The following ARHGEF40 variants were observed in gnomAD, a reference collection of about 807,000 sequenced individuals.
The protein encoded by ARHGEF40 is Rho guanine nucleotide exchange factor 40.
In ARHGEF40, 98 loss-of-function variants were observed where a neutral mutation model predicts 165.9. That is an observed-to-expected ratio of 0.59 (90% CI 0.50 to 0.70). The LOEUF (loss-of-function observed/expected upper bound fraction) is 0.70. Among genes scored for constraint, ARHGEF40 ranks in the 30% least tolerant of loss-of-function variants. The pLI is 0.00. For missense variants in ARHGEF40, 1,815 were observed against 1,968.0 expected (o/e 0.92, Z 1.47); for synonymous variants, 792 against 814.3 (o/e 0.97, Z 0.47).
Position 21,075,525 on chromosome 14 carries a change from G to T in ARHGEF40, c.1618+26G>T, listed in dbSNP as rs371549938. 9.9e-6 allele frequency: 16 copies of T among 1,613,136 alleles called. No individual in the cohort carries two copies. The highest frequency in any genetic ancestry group is 1.3e-5 in the Non-Finnish European group (15 of 1,179,636). ...GTCAGTGGGCATCAGTGGGTGAAGG[G>T]AAACAGGACTGGGAAAGAGAAGCAA... On this transcript the variant is annotated intron_variant, in intron 4 of 23. Transcript: ENST00000298694. The surrounding 1 kb of genome is among the most constrained non-coding windows in gnomAD (Gnocchi z 4.5).
chr14:21,073,919 C>CCT lies in ARHGEF40; in HGVS notation c.202-7_202-6dup, dbSNP rs780225292. ...GCAGAGGCCTGAGTGCAGCCTCCCA[C>CCT]CTCTCTCCCCAGGCCCAATACAGTG... On this transcript the variant is annotated splice_polypyrimidine_tract_variant and intron_variant, in intron 2 of 23. Transcript: ENST00000298694. The surrounding 1 kb of genome is among the most constrained non-coding windows in gnomAD (Gnocchi z 4.6). The CCT allele has an allele frequency of 2.9e-5, 46 of 1,583,550 alleles. No homozygotes were observed. Among genetic ancestry groups the CCT allele is most frequent in the Non-Finnish European group, 3.9e-5 (46 of 1,169,296 alleles).
chr14:21,082,994 G>C, intron 16 of ARHGEF40, 77 bp downstream of exon 16: 1 of 1,358,460 alleles, frequency 7.4e-7, no homozygotes. Flanking sequence ...AAATCCCTCA[G>C]GGCAAAAAAC....
intron 16 of ARHGEF40, 98 bp downstream of exon 16, chr14:21,083,015 CA>C: frequency 9.8e-7 from 1 of 1,017,564 alleles, no homozygotes; most frequent in Non-Finnish European, 1.5e-6. Flanking sequence ...TGGATATGCC[CA>C]GGAACATCAC....
chr14:21,069,280 G>A (rs2139181466), upstream of ARHGEF40, among the ~76,000 whole-genome samples: 1 of 152,264 alleles, frequency 6.6e-6, no homozygotes, highest in South Asian at 2.1e-4. Context: ...AGGGAGTGAG[G>A]CTAGAACTTT....
At chr14:21,067,425 G>T (rs2139174288), upstream of ARHGEF40, among the ~76,000 whole-genome samples, 1 of 152,250 alleles carries the variant, frequency 6.6e-6, no homozygotes, top group East Asian at 1.9e-4. Context: ...CTTCTTTTAT[G>T]AACTTTGACA....
the ARHGEF40 span, among the ~76,000 whole-genome samples, chr14:21,063,306 C>T: frequency 2.0e-5 from 3 of 152,040 alleles, no homozygotes; most frequent in Non-Finnish European, 4.4e-5. Context: ...ATTAGGAGTG[C>T]TATATTCCGC....
Position 21,075,270 on chromosome 14 carries a change from G to A in ARHGEF40, c.1451-62G>A. ...GCAGGAGGAGGAGCAGGGTTAGGCT[G>A]GGAGCAGAACAACCAGAACCATCTT... On this transcript the variant is annotated intron_variant, in intron 3 of 23. Coordinates refer to ENST00000298694, the MANE Select transcript of ARHGEF40 (RefSeq NM_018071.5). The surrounding 1 kb of genome is among the most constrained non-coding windows in gnomAD (Gnocchi z 4.5). The A allele has an allele frequency of 6.2e-7, 1 of 1,600,550 alleles. No homozygotes were observed. Among genetic ancestry groups the A allele is most frequent in the Non-Finnish European group, 8.5e-7 (1 of 1,173,624 alleles).
chr14:21,077,036 C>T (rs1887482234), intron 8 of ARHGEF40, 146 bp downstream of exon 8: 1 of 625,874 alleles, frequency 1.6e-6, no homozygotes, highest in Admixed American at 2.7e-5. Flanking sequence ...GTATTTATGG[C>T]TCCCAAATCA....
At chr14:21,078,579 T>C in intron 10 of ARHGEF40, 91 bp downstream of exon 10, 1 of 1,292,734 alleles carries the variant, frequency 7.7e-7, no homozygotes, top group Non-Finnish European at 1.1e-6. Context: ...CAGACCATTC[T>C]TACTGTGCAT....
Position 21,087,978 on chromosome 14 carries a change from A to T in ARHGEF40, c.4398A>T (p.Thr1466=). The T allele has an allele frequency of 6.2e-7, 1 of 1,613,958 alleles. No homozygotes were observed. Among genetic ancestry groups the T allele is most frequent in the Non-Finnish European group, 8.5e-7 (1 of 1,180,016 alleles). ...DVKQISLAPE[T]LDSSGDVSPG... is the part of the protein sequence containing the mutation. ...TAGCTTCCCCTTCAGCCCCAGAAAC[A>T]CTTGACTCTTCTGGAGATGTGTCCC... is the stretch of plus-strand genomic sequence containing the variant. Residue 1466 remains threonine (T), a synonymous_variant, in exon 22 of 24, where the codon ACA becomes ACT. Transcript: ENST00000298694.
In ARHGEF40 at chr14:21,072,193, G is replaced by A. The variant is rs938277237; in HGVS notation, c.4-852G>A. On this transcript the variant is annotated intron_variant, in intron 1 of 23. Transcript: ENST00000298694. This position sits in a 1 kb window ranked among gnomAD's most constrained non-coding sequence, Gnocchi z 4.1. ...GACGTCTCATTGACTCACTTAGGGA[G>A]GGGAGTCTGGATGAAGCAGGGCTGA... 6.6e-6 allele frequency among the ~76,000 whole-genome samples: 1 copy of A among 152,218 alleles called. No homozygotes were observed. Among genetic ancestry groups the A allele is most frequent in the Non-Finnish European group, 1.5e-5 (1 of 68,034 alleles).
chr14:21,067,363 T>A (rs1886322799), upstream of ARHGEF40, among the ~76,000 whole-genome samples: 1 of 152,142 alleles, frequency 6.6e-6, no homozygotes, highest in African/African-American at 2.4e-5. Context: ...CAAATTTAAC[T>A]TTTTTAGCCT....
chr14:21,062,892 T>G, the ARHGEF40 span, among the ~76,000 whole-genome samples: 2 of 149,188 alleles, frequency 1.3e-5, no homozygotes, highest in Non-Finnish European at 3.0e-5. Flanking sequence ...GGCAGGAGGA[T>G]CAATAGAGCC....
At position 21,078,190 on chromosome 14, in the gene ARHGEF40, T is replaced by A. The variant is rs774162455; in HGVS notation, c.2048T>A (p.Leu683Gln). The change falls in exon 9 of 24, where the codon CTA (leucine) becomes CAA (glutamine). Residue 683 changes from leucine (L) to glutamine (Q), a missense_variant. Leu to Gln is a moderately radical substitution (Grantham distance 113). Coordinates refer to ENST00000298694, the MANE Select transcript of ARHGEF40 (RefSeq NM_018071.5). ...TGTGGGTTTCAGGAAGTGGTAAGGCTATGTCGCCTGTGCCAAGGTGTGCTG... is the reference window on the plus strand; with the variant it reads ...TGTGGGTTTCAGGAAGTGGTAAGGCAATGTCGCCTGTGCCAAGGTGTGCTG... ...WVEIHQEVVR[L>Q]CRLCQGVLGS... The A allele has an allele frequency of 6.2e-7, 1 of 1,613,582 alleles. No individual in the cohort carries two copies.
chr14:21,087,745 C>G (rs1324182498), intron 21 of ARHGEF40: 1 of 703,558 alleles, frequency 1.4e-6, no homozygotes. Context: ...TGGTTCACCA[C>G]GGCAATCCTT....
chr14:21,070,741 C>G lies in ARHGEF40; in HGVS notation c.3+342C>G. 7.0e-7 allele frequency: 1 copy of G among 1,427,660 alleles called. No individual in the cohort carries two copies. The highest frequency in any genetic ancestry group is 9.5e-7 in the Non-Finnish European group (1 of 1,050,848). The allele number at this position is 1,427,660 out of a possible 1,614,324, so 88.4% of individuals were successfully genotyped here. A position where few individuals can be genotyped will look rare whatever the true frequency, so the allele number is the denominator to read the frequency against. On this transcript the variant is annotated intron_variant, in intron 1 of 23. Transcript: ENST00000298694. The surrounding 1 kb of genome is among the most constrained non-coding windows in gnomAD (Gnocchi z 4.7). ...TGGAGCTTCCCTCCCCCTCCTGGTC[C>G]GAGCTCCTTACCCGCGGGAGACCCC...
chr14:21,089,150 A>G lies in ARHGEF40; in HGVS notation c.*142A>G. On this transcript the variant is annotated 3_prime_UTR_variant, in exon 24 of 24. Transcript: ENST00000298694. The stretch of plus-strand genomic sequence containing the variant: ...TGGACACAGAGGAGGTCTAACGACC[A>G]GAGTATTGCCCTGCCACCACTATCT... 1 of 425,984 alleles carries G rather than the reference A, an allele frequency of 2.3e-6. No individual in the cohort carries two copies. The highest frequency in any genetic ancestry group is 4.2e-6 in the Non-Finnish European group (1 of 237,956). The allele number at this position is 425,984 out of a possible 1,614,324, so 26.4% of individuals were successfully genotyped here.
In ARHGEF40 at chr14:21,072,832, G is replaced by T. The variant is rs928119512; in HGVS notation, c.4-213G>T. ...ATCTCCAAAGCCAAGGTCTCAGAGC[G>T]GGAGTGTTGAGCGCCCTGCCAGGTT... is the stretch of plus-strand genomic sequence containing the variant. On this transcript the variant is annotated intron_variant, in intron 1 of 23. Transcript: ENST00000298694. This position sits in a 1 kb window ranked among gnomAD's most constrained non-coding sequence, Gnocchi z 4.1. 2.6e-5 allele frequency among the ~76,000 whole-genome samples: 4 copies of T among 152,204 alleles called. No homozygotes were observed. Among genetic ancestry groups the T allele is most frequent in the Admixed American group, 6.5e-5 (1 of 15,280 alleles).
At chr14:21,079,757 T>C (rs1566530176) in intron 11 of ARHGEF40, among the ~76,000 whole-genome samples, 2 of 152,180 alleles carry the variant, frequency 1.3e-5, no homozygotes, top group South Asian at 4.1e-4. Context: ...TTTCTTCATA[T>C]TGGCTTCCTC....
Sources: gnomAD v4.1 joint callset for allele counts (sites outside exome capture counted in the v4.1 genomes callset) on GRCh38, gnomAD v4.1.1 for gene constraint, Gnocchi (gnomAD v3.1) non-coding constraint, MANE v1.5 for transcripts, NCBI Gene and HGNC (gene_info 2026-07-23, HGNC 2026-07-21) for gene names.